Variants in AIG1 observed in about 807,000 individuals in gnomAD.
AIG1 encodes the protein androgen-induced gene 1 protein.
A neutral mutation model predicts 31.4 loss-of-function variants in AIG1; 23 were observed. The observed-to-expected ratio is 0.73, with a 90% confidence interval of 0.53 to 1.04. The LOEUF is 1.04. Ranked by LOEUF, AIG1 falls within the 50% of genes least tolerant of loss-of-function variation. The probability of loss-of-function intolerance (pLI) is 0.00; values close to 1 mark genes in which losing one functional copy is unlikely to be tolerated. For missense variants in AIG1, 274 were observed against 295.0 expected, an observed-to-expected ratio of 0.93 and a Z score of 0.52; for synonymous variants, 100 against 110.5, an observed-to-expected ratio of 0.90 and a Z score of 0.60.
rs557369291 is a variant in AIG1, at chr6:143,291,165, G to A, written c.515+6940G>A. Among the ~76,000 whole-genome samples, 14 of 152,308 alleles carry A rather than the reference G, an allele frequency of 9.2e-5. No homozygotes were observed. In the South Asian group the frequency reaches 2.9e-3, roughly 32 times the overall value. On this transcript the variant is annotated intron_variant, in intron 4 of 5. Transcript: ENST00000357847. The surrounding 1 kb of genome is among the most constrained non-coding windows in gnomAD (Gnocchi z 4.2). The stretch of plus-strand genomic sequence containing the variant: ...AGGAAAAGAGTCTTGGAAGGATATG[G>A]CAGGGCAGAGGGAGGGGGAGCTGTA...
At chr6:143,156,654 AAGG>A (rs1404682799) in intron 2 of AIG1, among the ~76,000 whole-genome samples, 1 of 152,212 alleles carries the variant, frequency 6.6e-6, no homozygotes, top group Non-Finnish European at 1.5e-5. Flanking sequence ...CCACATGCAG[AAGG>A]AGGCAGCCCT....
intron 2 of AIG1, among the ~76,000 whole-genome samples, chr6:143,153,430 C>A (rs1169551532): frequency 6.6e-6 from 1 of 152,208 alleles, no homozygotes; most frequent in Non-Finnish European, 1.5e-5. Flanking sequence ...TCACTGCAAG[C>A]TCCACCTCCC....
chr6:143,206,505 A>T (rs1791118451), intron 3 of AIG1, among the ~76,000 whole-genome samples: 1 of 152,178 alleles, frequency 6.6e-6, no homozygotes, highest in Admixed American at 6.5e-5. Context: ...TTCAGATTTC[A>T]GAGGTTGGTG....
intron 2 of AIG1, 86 bp downstream of exon 2, chr6:143,137,076 T>A (rs1783826960): frequency 7.8e-7 from 1 of 1,286,436 alleles, no homozygotes; most frequent in Non-Finnish European, 1.0e-6. Context: ...GAGTTCATTA[T>A]AAGAGGTTTC....
chr6:143,281,862 A>C (rs191189692), intron 3 of AIG1, among the ~76,000 whole-genome samples: 1 of 152,368 alleles, frequency 6.6e-6, no homozygotes, highest in East Asian at 1.9e-4. Context: ...ACAGCTAGCC[A>C]CAAAAAGATC....
intron 1 of AIG1, among the ~76,000 whole-genome samples, chr6:143,074,372 T>C (rs1304456527): frequency 2.0e-5 from 3 of 152,212 alleles, no homozygotes; most frequent in African/African-American, 7.2e-5. Flanking sequence ...AGTTTTATAG[T>C]TTCTGGCCTT....
chr6:143,327,665 G>A lies in AIG1; in HGVS notation c.516-5617G>A. ...TGTGGATGAGAACTAACTGCTGATT[G>A]TCAAATACATCAAATAAAGTTATAA... is the stretch of plus-strand genomic sequence containing the variant. On this transcript the variant is annotated intron_variant, in intron 4 of 5. Transcript: ENST00000357847. The surrounding 1 kb of genome is among the most constrained non-coding windows in gnomAD (Gnocchi z 5.3). The A allele has an allele frequency of 5.4e-6, 1 of 184,958 alleles. No homozygotes were observed. Among genetic ancestry groups the A allele is most frequent in the Non-Finnish European group, 1.1e-5 (1 of 90,786 alleles). The allele number at this position is 184,958 out of a possible 1,614,324, so 11.5% of individuals were successfully genotyped here.
At chr6:143,241,448 G>A (rs1392058982) in intron 3 of AIG1, among the ~76,000 whole-genome samples, 1 of 152,144 alleles carries the variant, frequency 6.6e-6, no homozygotes, top group Non-Finnish European at 1.5e-5. Context: ...TGCCACTTCT[G>A]GGATGAAGCA....
intron 3 of AIG1, among the ~76,000 whole-genome samples, chr6:143,278,002 C>T (rs1299228281): frequency 2.0e-5 from 3 of 152,194 alleles, no homozygotes; most frequent in Admixed American, 6.5e-5. Flanking sequence ...TTTTGTCCTT[C>T]TATTAATCCA....
chr6:143,306,036 T>C (rs1799275415), intron 4 of AIG1, among the ~76,000 whole-genome samples: 2 of 148,080 alleles, frequency 1.4e-5, no homozygotes, highest in South Asian at 4.5e-4. Flanking sequence ...TATCACAGAC[T>C]AGGATTGCAA....
intron 2 of AIG1, among the ~76,000 whole-genome samples, chr6:143,140,429 C>G (rs1235125170): frequency 1.3e-5 from 2 of 152,096 alleles, no homozygotes; most frequent in Non-Finnish European, 2.9e-5. Flanking sequence ...CTGTCTTCAC[C>G]GTGGCTTCAG....
Position 143,326,208 on chromosome 6 carries a change from G to C in AIG1, c.516-7074G>C, listed in dbSNP as rs1776599755. On this transcript the variant is annotated intron_variant, in intron 4 of 5. Coordinates refer to ENST00000357847, the MANE Select transcript of AIG1 (RefSeq NM_016108.4). The surrounding 1 kb of genome is among the most constrained non-coding windows in gnomAD (Gnocchi z 4.5). ...CTTTATATTTGCACACTAGGACGGA[G>C]TCTACAATTCTTACCATGGCTTAAA... Among the ~76,000 whole-genome samples, 1 of 152,192 alleles carries C rather than the reference G, an allele frequency of 6.6e-6. No individual in the cohort carries two copies. The highest frequency in any genetic ancestry group is 6.5e-5 in the Admixed American group (1 of 15,280).
At chr6:143,153,575 C>T (rs181043685) in intron 2 of AIG1, among the ~76,000 whole-genome samples, 225 of 152,234 alleles carry the variant, frequency 1.5e-3, no homozygotes, top group Non-Finnish European at 2.0e-3. Context: ...TCTCGAACTC[C>T]GTACCTCGTG....
At position 143,310,782 on chromosome 6, in the gene AIG1, G is replaced by A. The variant is rs148544514; in HGVS notation, c.516-22500G>A. On this transcript the variant is annotated intron_variant, in intron 4 of 5. Transcript: ENST00000357847. ...GAGGAATCCCACTACTGAGCCTATG[G>A]ACATTAAAAGAATAATAAAGGAATA... Among the ~76,000 whole-genome samples the A allele has an allele frequency of 1.1e-3, 173 of 151,640 alleles. 1 individual carries two copies. Among genetic ancestry groups the A allele is most frequent in the African/African-American group, 2.8e-3 (115 of 41,492 alleles).
At chr6:143,151,643 G>A (rs1347472806) in intron 2 of AIG1, among the ~76,000 whole-genome samples, 1 of 152,170 alleles carries the variant, frequency 6.6e-6, no homozygotes, top group Non-Finnish European at 1.5e-5. Flanking sequence ...AGTCTATTTT[G>A]AGATAATCCT....
At chr6:143,323,069 A>C (rs140646466) in intron 4 of AIG1, among the ~76,000 whole-genome samples, 1 of 152,154 alleles carries the variant, frequency 6.6e-6, no homozygotes, top group African/African-American at 2.4e-5. Flanking sequence ...CTGAGGCTCA[A>C]TGAAGTTAAA....
intron 2 of AIG1, 52 bp from the exon 3 acceptor site, chr6:143,165,030 A>G (rs4596500): frequency 2.3e-6 from 3 of 1,330,830 alleles, no homozygotes; most frequent in Middle Eastern, 1.8e-4. Context: ...AATAAATTGT[A>G]TGTTGTGGAT....
intron 3 of AIG1, among the ~76,000 whole-genome samples, chr6:143,213,703 G>A (rs1036937309): frequency 1.4e-5 from 2 of 146,474 alleles, no homozygotes; most frequent in African/African-American, 5.0e-5. Context: ...TTTTAGTAGA[G>A]ACAGGGTTTC....
chr6:143,270,689 A>T, intron 3 of AIG1, among the ~76,000 whole-genome samples: 1 of 152,238 alleles, frequency 6.6e-6, no homozygotes, highest in Non-Finnish European at 1.5e-5. Context: ...TATGTCTTTA[A>T]ATAAGTTAGT....
Sources: gnomAD v4.1 joint callset for allele counts (sites outside exome capture counted in the v4.1 genomes callset) on GRCh38, gnomAD v4.1.1 for gene constraint, Gnocchi (gnomAD v3.1) non-coding constraint, MANE v1.5 for transcripts, NCBI Gene and HGNC (gene_info 2026-07-23, HGNC 2026-07-21) for gene names.